CCSER1: variants seen among roughly 807,000 people sequenced by gnomAD.
CCSER1 encodes the protein serine-rich coiled-coil domain-containing protein 1.
In CCSER1, 41 loss-of-function variants were observed where a neutral mutation model predicts 82.0. The ratio of observed to expected loss-of-function variants is 0.50; its 90% CI spans 0.39 to 0.65. The LOEUF (loss-of-function observed/expected upper bound fraction) is 0.65. Ranked by LOEUF, CCSER1 falls within the 30% of genes least tolerant of loss-of-function variation. The pLI, the probability that CCSER1 is intolerant of heterozygous loss-of-function variation, is 0.00. For missense variants in CCSER1, 1,119 were observed against 1,064.2 expected (o/e 1.05, Z -0.72); for synonymous variants, 414 against 383.9 (o/e 1.08, Z -0.92).
chr4:91,332,068 A>T (rs376723071), intron 10 of CCSER1, among the ~76,000 whole-genome samples: 19 of 152,218 alleles, frequency 1.2e-4, no homozygotes, highest in African/African-American at 4.6e-4. Context: ...CCTAATTTCT[A>T]AAAATGTACT....
At chr4:90,959,714 CCTGTGGAAGTTCTG>C (rs1375410015) in intron 9 of CCSER1, among the ~76,000 whole-genome samples, 1 of 150,472 alleles carries the variant, frequency 6.6e-6, no homozygotes. Context: ...ACTTCTGCAT[CCTGTGGAAGTTCTG>C]CCTCGGGTTT....
intron 5 of CCSER1, among the ~76,000 whole-genome samples, chr4:90,535,470 A>G (rs983315457): frequency 6.6e-6 from 1 of 152,210 alleles, no homozygotes; most frequent in African/African-American, 2.4e-5. Context: ...GTATTACTTT[A>G]ATAGTAGTAA....
chr4:90,757,214 C>T (rs1445103757), intron 7 of CCSER1, among the ~76,000 whole-genome samples: 2 of 152,136 alleles, frequency 1.3e-5, no homozygotes, highest in East Asian at 3.8e-4. Flanking sequence ...AAACCCCATT[C>T]TATAAAATAG....
intron 10 of CCSER1, among the ~76,000 whole-genome samples, chr4:91,407,971 C>G (rs1752801489): frequency 6.6e-6 from 1 of 152,104 alleles, no homozygotes. Context: ...ATTGCCGTTT[C>G]AGTGAGGGCT....
At chr4:90,380,891 C>T (rs1749093442) in intron 3 of CCSER1, among the ~76,000 whole-genome samples, 1 of 152,104 alleles carries the variant, frequency 6.6e-6, no homozygotes, top group Non-Finnish European at 1.5e-5. Context: ...GCTTATAGTC[C>T]AATCAGGGAA....
chr4:90,796,716 AT>A (rs1756093193), intron 7 of CCSER1, among the ~76,000 whole-genome samples: 1 of 152,056 alleles, frequency 6.6e-6, no homozygotes, highest in Non-Finnish European at 1.5e-5. Context: ...GAACTTTCTG[AT>A]TTCTTCCTGA....
At chr4:90,487,344 G>C (rs943197195) in intron 5 of CCSER1, among the ~76,000 whole-genome samples, 1 of 152,212 alleles carries the variant, frequency 6.6e-6, no homozygotes, top group Non-Finnish European at 1.5e-5. Flanking sequence ...ATCATGCACA[G>C]AAGGTCATCT....
At chr4:90,834,026 C>G (rs190841208) in intron 8 of CCSER1, among the ~76,000 whole-genome samples, 2 of 152,112 alleles carry the variant, frequency 1.3e-5, no homozygotes, top group South Asian at 4.1e-4. Flanking sequence ...TCTCCAAGAC[C>G]GTGAGCTACA....
At chr4:90,601,334 T>C (rs1784015188) in intron 5 of CCSER1, among the ~76,000 whole-genome samples, 1 of 151,912 alleles carries the variant, frequency 6.6e-6, no homozygotes, top group East Asian at 1.9e-4. Context: ...AGATATCCTT[T>C]ATCAGGTTGT....
chr4:90,593,129 AACTT>A (rs1346923936), intron 5 of CCSER1, among the ~76,000 whole-genome samples: 1 of 152,164 alleles, frequency 6.6e-6, no homozygotes, highest in African/African-American at 2.4e-5. Flanking sequence ...ATTTCAATGG[AACTT>A]ACTTTGGATT....
At chr4:90,356,703 G>A (rs1397962249) in intron 3 of CCSER1, among the ~76,000 whole-genome samples, 5 of 151,620 alleles carry the variant, frequency 3.3e-5, no homozygotes, top group East Asian at 1.9e-4. Flanking sequence ...TTATTAAATC[G>A]TTTATGTATC....
At chr4:90,375,350 G>A (rs1163377086) in intron 3 of CCSER1, among the ~76,000 whole-genome samples, 1 of 152,158 alleles carries the variant, frequency 6.6e-6, no homozygotes, top group African/African-American at 2.4e-5. Flanking sequence ...AGCTAGGCAT[G>A]AGTTGGGGAT....
At chr4:91,171,444 C>A (rs192779928) in intron 10 of CCSER1, among the ~76,000 whole-genome samples, 1 of 152,294 alleles carries the variant, frequency 6.6e-6, no homozygotes, top group Non-Finnish European at 1.5e-5. Context: ...TTGGCTGAGT[C>A]ACAAAGTAAG....
At chr4:90,631,108 T>C (rs1055944466) in intron 6 of CCSER1, among the ~76,000 whole-genome samples, 8 of 151,998 alleles carry the variant, frequency 5.3e-5, no homozygotes, top group African/African-American at 1.9e-4. Context: ...TTGGCCAGGA[T>C]GGTCTTGATC....
chr4:91,023,016 T>G (rs553359309), intron 9 of CCSER1, among the ~76,000 whole-genome samples: 1 of 152,256 alleles, frequency 6.6e-6, no homozygotes, highest in East Asian at 1.9e-4. Flanking sequence ...TTAGTTTAAT[T>G]AGATCCCATT....
In CCSER1 at chr4:90,514,873, CT is replaced by C. The variant is rs1275703274; in HGVS notation, c.1724+46532del. ...TATTACATTATTACATAGTTAATTA[CT>C]TTTTTTTTTTTTGAGATGGAGTCTT... On this transcript the variant is annotated intron_variant, in intron 5 of 10. Transcript: ENST00000509176. Among the ~76,000 whole-genome samples the C allele has an allele frequency of 7.9e-3, 1,135 of 144,556 alleles. 2 individuals are homozygous for C. The highest frequency in any genetic ancestry group is 0.011 in the African/African-American group (435 of 39,702). The allele number at this position is 144,556 out of a possible 152,430, so 94.8% of individuals were successfully genotyped here.
chr4:90,725,353 A>T (rs1743454485), intron 7 of CCSER1, among the ~76,000 whole-genome samples: 1 of 151,634 alleles, frequency 6.6e-6, no homozygotes, highest in Non-Finnish European at 1.5e-5. Flanking sequence ...CATAAAGCTA[A>T]TATAAATATA....
At chr4:91,339,083 T>C (rs1434130257) in intron 10 of CCSER1, among the ~76,000 whole-genome samples, 1 of 152,168 alleles carries the variant, frequency 6.6e-6, no homozygotes, top group Non-Finnish European at 1.5e-5. Context: ...ACTTGATGCT[T>C]ATGAATAGTC....
intron 3 of CCSER1, among the ~76,000 whole-genome samples, chr4:90,355,457 A>T (rs1000783569): frequency 6.6e-6 from 1 of 151,966 alleles, no homozygotes; most frequent in Non-Finnish European, 1.5e-5. Flanking sequence ...TTGTAATCCT[A>T]TAAAGGCTGT....
Sources: gnomAD v4.1 joint callset for allele counts (sites outside exome capture counted in the v4.1 genomes callset) on GRCh38, gnomAD v4.1.1 for gene constraint, MANE v1.5 for transcripts, NCBI Gene and HGNC (gene_info 2026-07-23, HGNC 2026-07-21) for gene names.